MEF2C: variants seen among roughly 807,000 people sequenced by gnomAD.
MEF2C encodes myocyte enhancer factor 2C.
Under a neutral mutation model 50.5 loss-of-function variants are expected in MEF2C, and 6 were observed. That is an observed-to-expected ratio of 0.12 (90% CI 0.07 to 0.23). The LOEUF (loss-of-function observed/expected upper bound fraction) is 0.23, where lower values mean the gene tolerates loss of function less well. Ranked by LOEUF, MEF2C falls within the 10% of genes least tolerant of loss-of-function variation. The probability of loss-of-function intolerance (pLI) is 1.00; values close to 1 mark genes in which losing one functional copy is unlikely to be tolerated. For missense variants in MEF2C, 276 were observed against 605.0 expected, an observed-to-expected ratio of 0.46 and a Z score of 5.70; for synonymous variants, 183 against 228.0, an observed-to-expected ratio of 0.80 and a Z score of 1.78.
intron 3 of MEF2C, among the ~76,000 whole-genome samples, chr5:88,769,445 C>T (rs1393893095): frequency 3.3e-5 from 5 of 152,026 alleles, no homozygotes; most frequent in African/African-American, 9.7e-5. Flanking sequence ...TATTGGAACC[C>T]GGACAGGGCA....
chr5:88,722,660 C>G lies in MEF2C; in HGVS notation c.1366G>C (p.Glu456Gln). 1.2e-6 allele frequency: 2 copies of G among 1,613,764 alleles called. No individual in the cohort carries two copies. The highest frequency in any genetic ancestry group is 1.7e-6 in the Non-Finnish European group (2 of 1,179,874). ...PIGLTRPSPDERESPSVKRMR... is the reference protein window; with the variant it reads ...PIGLTRPSPDQRESPSVKRMR... ...CGCTTGACTGAGGGACTTTCCCTTT[C>G]GTCCGGCGAAGGTCTGGTGAGTCCA... The change falls in exon 11 of 11, where the codon GAA becomes CAA. Residue 456 changes from glutamate to glutamine, a missense_variant. Around this residue, in one of 2 missense-constraint regions of MEF2C, gnomAD observed 256 missense variants for 468.1 expected, o/e 0.55. Coordinates refer to ENST00000504921, the MANE Select transcript of MEF2C (RefSeq NM_002397.5).
intron 1 of MEF2C, among the ~76,000 whole-genome samples, chr5:88,864,396 A>C (rs973045704): frequency 1.3e-5 from 2 of 151,738 alleles, no homozygotes. Context: ...TTACATTAAG[A>C]GCTCCCAGGC....
At chr5:88,767,476 C>G (rs899572366) in intron 3 of MEF2C, among the ~76,000 whole-genome samples, 1 of 152,036 alleles carries the variant, frequency 6.6e-6, no homozygotes, top group Non-Finnish European at 1.5e-5. Context: ...GCAAGCAAAT[C>G]ATATCCAATA....
chr5:88,835,552 C>A (rs937355171), intron 1 of MEF2C, among the ~76,000 whole-genome samples: 5 of 152,020 alleles, frequency 3.3e-5, no homozygotes, highest in African/African-American at 1.2e-4. Flanking sequence ...TGGCTCATGC[C>A]TGTAATCCCA....
At chr5:88,743,815 A>T (rs897187627) in intron 6 of MEF2C, 1 of 985,000 alleles carries the variant, frequency 1.0e-6, no homozygotes, top group Non-Finnish European at 1.2e-6. Context: ...CTTGATAACC[A>T]AATGCATAAA....
chr5:88,738,688 G>A (rs1765162172), intron 6 of MEF2C: 2 of 985,210 alleles, frequency 2.0e-6, no homozygotes, highest in African/African-American at 1.7e-5. Context: ...GGATACAAAT[G>A]AAGAGAGGAC....
At chr5:88,891,434 G>A (rs929757520) in intron 1 of MEF2C, among the ~76,000 whole-genome samples, 3 of 118,984 alleles carry the variant, frequency 2.5e-5, no homozygotes, top group Non-Finnish European at 4.7e-5. Context: ...GTCTCGCTCT[G>A]TCGCCCAGGC....
At chr5:88,764,369 T>A (rs992176026) in intron 3 of MEF2C, among the ~76,000 whole-genome samples, 5 of 152,166 alleles carry the variant, frequency 3.3e-5, no homozygotes, top group South Asian at 4.1e-4. Context: ...CCAAGGTCAG[T>A]CAACGAGTAT....
intron 3 of MEF2C, among the ~76,000 whole-genome samples, chr5:88,784,514 G>A (rs777000535): frequency 3.3e-5 from 5 of 152,054 alleles, no homozygotes; most frequent in African/African-American, 9.7e-5. Flanking sequence ...AGTAATTCAC[G>A]TAGTACTCTT....
Position 88,853,041 on chromosome 5 carries a change from T to C in MEF2C, c.-142-29111A>G, listed in dbSNP as rs185185438. ...AATTTCAAGACAAGCCTGGGAAACATAGCAAGACACTGTCTCTGTAAAACT... is the reference window on the plus strand; with the variant it reads ...AATTTCAAGACAAGCCTGGGAAACACAGCAAGACACTGTCTCTGTAAAACT... On this transcript the variant is annotated intron_variant, in intron 1 of 10. Transcript: ENST00000504921. Among the ~76,000 whole-genome samples the C allele has an allele frequency of 2.2e-3, 336 of 152,114 alleles. 2 individuals are homozygous for C. Among genetic ancestry groups the C allele is most frequent in the African/African-American group, 7.7e-3 (319 of 41,520 alleles).
At chr5:88,734,332 T>C (rs1762955179) in intron 6 of MEF2C, 3 of 985,168 alleles carry the variant, frequency 3.0e-6, no homozygotes, top group South Asian at 9.4e-5. Flanking sequence ...ATTAGCTGGG[T>C]AATTTCAAAA....
At chr5:88,898,989 G>A (rs1835378002) in intron 1 of MEF2C, among the ~76,000 whole-genome samples, 1 of 152,048 alleles carries the variant, frequency 6.6e-6, no homozygotes, top group Non-Finnish European at 1.5e-5. Context: ...CTGGCTTACA[G>A]CATTGTGTGT....
At chr5:88,886,694 C>A (rs1393320362), upstream of MEF2C, among the ~76,000 whole-genome samples, 3 of 152,130 alleles carry the variant, frequency 2.0e-5, no homozygotes, top group Non-Finnish European at 4.4e-5. Flanking sequence ...CCAAATATTT[C>A]TCCTACATTA....
At chr5:88,844,856 C>T (rs1352293206) in intron 1 of MEF2C, among the ~76,000 whole-genome samples, 4 of 152,124 alleles carry the variant, frequency 2.6e-5, no homozygotes, top group Non-Finnish European at 5.9e-5. Flanking sequence ...TATAGATTAA[C>T]TTGACAATGA....
At chr5:88,863,824 C>CTTTTTTT (rs369890636) in intron 1 of MEF2C, among the ~76,000 whole-genome samples, 2 of 142,638 alleles carry the variant, frequency 1.4e-5, no homozygotes, top group Non-Finnish European at 3.1e-5. Flanking sequence ...ATTTCTTTTT[C>CTTTTTTT]TTTTTTTTTT....
chr5:88,829,761 T>G (rs1581309373), intron 1 of MEF2C, among the ~76,000 whole-genome samples: 1 of 152,164 alleles, frequency 6.6e-6, no homozygotes, highest in East Asian at 1.9e-4. Context: ...GGGTTAGAAT[T>G]CTAGCTTGGT....
chr5:88,746,434 C>T (rs1040341387), intron 6 of MEF2C: 55 of 739,658 alleles, frequency 7.4e-5, no homozygotes, highest in Middle Eastern at 7.1e-4. Flanking sequence ...ACTCTCCCTC[C>T]CTCTCACTTT....
chr5:88,859,512 A>T (rs1824734357), intron 1 of MEF2C, among the ~76,000 whole-genome samples: 1 of 152,224 alleles, frequency 6.6e-6, no homozygotes, highest in South Asian at 2.1e-4. Context: ...CACATATGAA[A>T]GTTCCTGTAT....
chr5:88,880,747 T>C (rs539778795), intron 1 of MEF2C: 2 of 152,116 alleles, frequency 1.3e-5, no homozygotes, highest in South Asian at 2.1e-4. Flanking sequence ...GTGCCTCTTG[T>C]TATCTAAGTT....
Sources: allele counts gnomAD v4.1 joint callset (sites outside exome capture counted in the v4.1 genomes callset), GRCh38; gene constraint gnomAD v4.1.1; regional missense constraint gnomAD v4.1.1; transcripts MANE v1.5; gene names NCBI Gene and HGNC (gene_info 2026-07-23, HGNC 2026-07-21).